Variants in CD22 observed in about 807,000 individuals in gnomAD.
CD22 encodes B-cell receptor CD22.
In CD22, 51 loss-of-function variants were observed where a neutral mutation model predicts 94.7. That is an observed-to-expected ratio of 0.54 (90% CI 0.43 to 0.68). The LOEUF (loss-of-function observed/expected upper bound fraction) is 0.68, where lower values mean the gene tolerates loss of function less well. Among genes scored for constraint, CD22 ranks in the 30% least tolerant of loss-of-function variants. The pLI is 0.00. For missense variants in CD22, 931 were observed against 1,060.4 expected, an observed-to-expected ratio of 0.88 and a Z score of 1.69; for synonymous variants, 424 against 422.5, an observed-to-expected ratio of 1.00 and a Z score of -0.04.
chr19:35,346,800 GCACACACA>G lies in CD22; in HGVS notation c.*113_*120del. On this transcript the variant is annotated 3_prime_UTR_variant, in exon 14 of 14. Transcript: ENST00000085219. ...ATGGCTTCCTCCTGCGCGCATGTGC[GCACACACA>G]CACACACACGCACACACACACACAC... 4.4e-6 allele frequency: 4 copies of G among 907,862 alleles called. No homozygotes were observed. Among genetic ancestry groups the G allele is most frequent in the Non-Finnish European group, 6.5e-6 (4 of 618,494 alleles). 56.2% of individuals were successfully genotyped at this position (907,862 alleles called of 1,614,324 possible).
rs554640025 is a variant in CD22 at position 35,340,392 on chromosome 19, C to G, written c.1250-489C>G. 2.6e-5 allele frequency among the ~76,000 whole-genome samples: 4 copies of G among 152,310 alleles called. 1 individual carries two copies. The South Asian group carries it at 8.3e-4, about 32-fold the overall frequency. ...CCACCTCCCGGGTTCAAGCGATTCTCTTGCCTCGACCACCTGAGTAGCTGG... is the reference window on the plus strand; with the variant it reads ...CCACCTCCCGGGTTCAAGCGATTCTGTTGCCTCGACCACCTGAGTAGCTGG... On this transcript the variant is annotated intron_variant, in intron 6 of 13. Transcript: ENST00000085219.
Position 35,332,691 on chromosome 19 carries a change from A to G in CD22, c.179A>G (p.His60Arg). 1 of 1,614,140 alleles carries G rather than the reference A, an allele frequency of 6.2e-7. No homozygotes were observed. The highest frequency in any genetic ancestry group is 2.2e-5 in the East Asian group (1 of 44,884). ...GACCTGGAAAGCTTCATCCTGTTCC[A>G]CAATCCTGAGTATAACAAGAACACC... is the stretch of plus-strand genomic sequence containing the variant. ...DGDLESFILF[H>R]NPEYNKNTSK... Residue 60 changes from histidine (H) to arginine (R), a missense_variant, in exon 3 of 14, where the codon CAC becomes CGC. His to Arg is a conservative substitution (Grantham distance 29). Transcript: ENST00000085219.
intron 3 of CD22, among the ~76,000 whole-genome samples, chr19:35,335,003 G>A (rs985749328): frequency 6.7e-5 from 10 of 149,008 alleles, no homozygotes; most frequent in Non-Finnish European, 8.9e-5. Flanking sequence ...GCGTGAACCC[G>A]GAAGGTGGAG....
Position 35,346,818 on chromosome 19 carries a change from G to GCA in CD22, c.*139_*140dup, listed in dbSNP as rs113404776. 9.3e-3 allele frequency: 6,051 copies of GCA among 652,854 alleles called. 60 individuals carry two copies. Among genetic ancestry groups the GCA allele is most frequent in the African/African-American group, 0.053 (2,713 of 50,896 alleles). The allele number at this position is 652,854 out of a possible 1,614,324, so 40.4% of individuals were successfully genotyped here. A position where few individuals can be genotyped will look rare whatever the true frequency, so the allele number is the denominator to read the frequency against. ...CATGTGCGCACACACACACACACACGCACACACACACACACACACTCACTG... is the reference window on the plus strand; with the variant it reads ...CATGTGCGCACACACACACACACACGCACACACACACACACACACACTCACTG... On this transcript the variant is annotated 3_prime_UTR_variant, in exon 14 of 14. Transcript: ENST00000085219.
chr19:35,332,228 A>G (rs1351997019), intron 2 of CD22, 154 bp downstream of exon 2: 8 of 764,226 alleles, frequency 1.0e-5, no homozygotes, highest in Non-Finnish European at 1.8e-5. Flanking sequence ...TATGTTTCCC[A>G]TATATACATA....
intron 6 of CD22, 131 bp downstream of exon 6, chr19:35,338,562 A>T: frequency 1.1e-6 from 1 of 872,610 alleles, no homozygotes; most frequent in East Asian, 2.6e-5. Context: ...TCCTGTTCAC[A>T]ACTGCTGTCT....
At chr19:35,336,000 C>A (rs149699063) in intron 3 of CD22, 36 bp from the exon 4 acceptor site, 4 of 1,579,748 alleles carry the variant, frequency 2.5e-6, no homozygotes, top group African/African-American at 1.4e-5. Flanking sequence ...CGTCCTCAGT[C>A]CCCCAGGCTC....
intron 9 of CD22, among the ~76,000 whole-genome samples, chr19:35,344,313 G>T (rs2145679277): frequency 6.6e-6 from 1 of 152,360 alleles, no homozygotes; most frequent in East Asian, 1.9e-4. Flanking sequence ...TAAAACCATT[G>T]TTCCCTGGGT....
intron 6 of CD22, among the ~76,000 whole-genome samples, chr19:35,340,559 C>T (rs778978156): frequency 6.6e-6 from 1 of 152,160 alleles, no homozygotes; most frequent in Non-Finnish European, 1.5e-5. Context: ...AAATTACAAG[C>T]GTGAGCCACC....
chr19:35,337,691 T>C lies in CD22; in HGVS notation c.719-64T>C. Reference sequence around the variant, plus strand: ...ATGGCTTTGTCAGAATAAAAGCACTTTCCACACCCTCCACCCTCTGAGGAT... The same window carrying C: ...ATGGCTTTGTCAGAATAAAAGCACTCTCCACACCCTCCACCCTCTGAGGAT... On this transcript the variant is annotated intron_variant, in intron 4 of 13. Transcript: ENST00000085219. This position sits in a 1 kb window ranked among gnomAD's most constrained non-coding sequence, Gnocchi z 4.4. 1 of 1,448,418 alleles carries C rather than the reference T, an allele frequency of 6.9e-7. No individual in the cohort carries two copies. Among genetic ancestry groups the C allele is most frequent in the Non-Finnish European group, 9.4e-7 (1 of 1,062,164 alleles). The allele number at this position is 1,448,418 out of a possible 1,614,324, so 89.7% of individuals were successfully genotyped here. A position where few individuals can be genotyped will look rare whatever the true frequency, so the allele number is the denominator to read the frequency against.
At chr19:35,342,114 C>G in intron 9 of CD22, 149 bp downstream of exon 9, 1 of 665,728 alleles carries the variant, frequency 1.5e-6, no homozygotes, top group Admixed American at 3.0e-5. Flanking sequence ...CTTCCTCCTT[C>G]TTCTTCTTCT....
rs1254925981 is a variant in CD22, at chr19:35,338,361, T to G, written c.1179T>G (p.Thr393=). 4 of 1,614,044 alleles carry G rather than the reference T, an allele frequency of 2.5e-6. No individual in the cohort carries two copies. The highest frequency in any genetic ancestry group is 3.4e-6 in the Non-Finnish European group (4 of 1,180,016). ...AGATCCTCCCCTGGCACGCTGGGAC[T>G]TATTCCTGTGTGGCAGAAAACATTC... The part of the protein sequence containing the change: ...IPKILPWHAG[T]YSCVAENILG... Residue 393 remains threonine (T), a synonymous_variant, in exon 6 of 14, where the codon ACT becomes ACG. Transcript: ENST00000085219.
chr19:35,336,951 G>A (rs897526434), intron 4 of CD22, among the ~76,000 whole-genome samples: 2 of 152,198 alleles, frequency 1.3e-5, no homozygotes, highest in African/African-American at 4.8e-5. Context: ...AAGAAGGTGA[G>A]CACTTAGGCC....
In CD22 at chr19:35,337,165, G is replaced by A. The variant is rs887485660; in HGVS notation, c.719-590G>A. On this transcript the variant is annotated intron_variant, in intron 4 of 13. Coordinates refer to ENST00000085219, the MANE Select transcript of CD22 (RefSeq NM_001771.4). The surrounding 1 kb of genome is among the most constrained non-coding windows in gnomAD (Gnocchi z 4.4). ...AAGGCAGGAGAATGACATGAACCCA[G>A]GAGGCGGAGCTTGCAGTGAGCTGAG... 9.9e-5 allele frequency among the ~76,000 whole-genome samples: 15 copies of A among 152,198 alleles called. No homozygotes were observed. The highest frequency in any genetic ancestry group is 7.2e-4 in the Admixed American group (11 of 15,280).
chr19:35,340,779 G>A (rs1305263995), intron 6 of CD22, 102 bp from the exon 7 acceptor site: 4 of 1,316,922 alleles, frequency 3.0e-6, no homozygotes, highest in African/African-American at 2.9e-5. Context: ...TTTAGGACCT[G>A]TGCAGATGCC....
In CD22 at chr19:35,337,828, C is replaced by T. The variant is rs768908111; in HGVS notation, c.792C>T (p.Thr264=). The change falls in exon 5 of 14, where the codon ACC becomes ACT. Residue 264 remains threonine, a synonymous_variant. Transcript: ENST00000085219. The surrounding 1 kb of genome is among the most constrained non-coding windows in gnomAD (Gnocchi z 4.4). ...IVREGDSVTM[T]CEVSSSNPEY... is the part of the protein sequence containing the mutation. Reference sequence around the variant, plus strand: ...GGGAGGGGGACTCTGTGACCATGACCTGCGAGGTCAGCAGCAGCAACCCGG... The same window carrying T: ...GGGAGGGGGACTCTGTGACCATGACTTGCGAGGTCAGCAGCAGCAACCCGG... 6.2e-7 allele frequency: 1 copy of T among 1,613,920 alleles called. No homozygotes were observed. Among genetic ancestry groups the T allele is most frequent in the East Asian group, 2.2e-5 (1 of 44,872 alleles).
intron 4 of CD22, chr19:35,336,579 T>C: frequency 1.9e-6 from 1 of 528,254 alleles, no homozygotes; most frequent in Non-Finnish European, 3.4e-6. Context: ...TGGTTAGGTC[T>C]TTTTGTTCCC....
intron 9 of CD22, among the ~76,000 whole-genome samples, chr19:35,344,344 G>A (rs2066867034): frequency 6.6e-6 from 1 of 152,238 alleles, no homozygotes; most frequent in Non-Finnish European, 1.5e-5. Context: ...CAGACAGCCT[G>A]AGAGCCTCCT....
intron 13 of CD22, 52 bp downstream of exon 13, chr19:35,346,287 C>G (rs745911072): frequency 1.4e-6 from 2 of 1,480,798 alleles, no homozygotes; most frequent in South Asian, 2.3e-5. Context: ...AGGCTGGGGA[C>G]AGGGCCTGGC....
Sources: gnomAD v4.1 joint callset for allele counts (sites outside exome capture counted in the v4.1 genomes callset) on GRCh38, gnomAD v4.1.1 for gene constraint, Gnocchi (gnomAD v3.1) non-coding constraint, MANE v1.5 for transcripts, NCBI Gene and HGNC (gene_info 2026-07-23, HGNC 2026-07-21) for gene names.